Variants in CYYR1 observed in about 807,000 individuals in gnomAD.
CYYR1 encodes cysteine and tyrosine rich 1.
A neutral mutation model predicts 15.2 loss-of-function variants in CYYR1; 14 were observed. The observed-to-expected ratio is 0.92, with a 90% CI of 0.61 to 1.44. CYYR1 has a LOEUF of 1.44. CYYR1 is among the 40% of genes most tolerant of loss of function. The pLI, the probability that CYYR1 is intolerant of heterozygous loss-of-function variation, is 0.00. For synonymous variants in CYYR1, 80 were observed against 77.4 expected (o/e 1.03, Z -0.18); for missense variants, 228 against 209.5 (o/e 1.09, Z -0.54).
chr21:26,535,558 T>C (rs2065984477), intron 2 of CYYR1, among the ~76,000 whole-genome samples: 1 of 152,224 alleles, frequency 6.6e-6, no homozygotes, highest in South Asian at 2.1e-4. Context: ...GTGAAATTTT[T>C]ATTAATACCT....
chr21:26,552,695 T>C (rs1979482786), intron 2 of CYYR1, among the ~76,000 whole-genome samples: 1 of 152,146 alleles, frequency 6.6e-6, no homozygotes. Flanking sequence ...GGATATATAC[T>C]TAACTCTTCA....
intron 2 of CYYR1, among the ~76,000 whole-genome samples, chr21:26,525,745 A>G (rs2065855849): frequency 6.6e-6 from 1 of 152,216 alleles, no homozygotes; most frequent in South Asian, 2.1e-4. Flanking sequence ...CCCTATAGTC[A>G]TTGCCTACAT....
At chr21:26,506,338 G>C (rs911100568) in intron 2 of CYYR1, among the ~76,000 whole-genome samples, 17 of 152,152 alleles carry the variant, frequency 1.1e-4, no homozygotes, top group Non-Finnish European at 2.1e-4. Context: ...TTCTGACATT[G>C]AGGGGGCTTT....
chr21:26,554,221 A>G (rs1048795719), intron 2 of CYYR1, among the ~76,000 whole-genome samples: 1 of 152,182 alleles, frequency 6.6e-6, no homozygotes, highest in Non-Finnish European at 1.5e-5. Context: ...GGCAGTTAGA[A>G]CACCACTGTG....
chr21:26,557,426 T>A (rs912859707), intron 2 of CYYR1, among the ~76,000 whole-genome samples: 5 of 152,114 alleles, frequency 3.3e-5, no homozygotes, highest in African/African-American at 1.2e-4. Flanking sequence ...AACTGAAATA[T>A]CACAAATCCT....
chr21:26,494,381 AAG>A (rs2065365405), intron 2 of CYYR1, among the ~76,000 whole-genome samples: 1 of 152,192 alleles, frequency 6.6e-6, no homozygotes, highest in Non-Finnish European at 1.5e-5. Flanking sequence ...AGGGGGGAGA[AAG>A]AGAATATCTT....
chr21:26,522,895 A>AT (rs1569159415), intron 2 of CYYR1, among the ~76,000 whole-genome samples: 1 of 152,218 alleles, frequency 6.6e-6, no homozygotes, highest in Admixed American at 6.5e-5. Context: ...ACAACAAACA[A>AT]TAGGCATGAA....
Position 26,468,517 on chromosome 21 carries a change from C to T in CYYR1, c.452G>A (p.Gly151Glu), listed in dbSNP as rs748380673. 6.3e-7 allele frequency: 1 copy of T among 1,593,592 alleles called. No homozygotes were observed. The highest frequency in any genetic ancestry group is 8.6e-7 in the Non-Finnish European group (1 of 1,161,468). Reference protein sequence around the residue: ...AQRSPPPPYPGNARK With the variant: ...AQRSPPPPYPENARK Reference sequence around the variant, plus strand: ...GGAGATAGATTATTTCCTTGCGTTTCCAGGATAAGGAGGGGGTGGAGAACG... The same window carrying T: ...GGAGATAGATTATTTCCTTGCGTTTTCAGGATAAGGAGGGGGTGGAGAACG... Residue 151 changes from glycine to glutamate, a missense_variant, in exon 4 of 4, where the codon GGA (glycine) becomes GAA (glutamate). Physicochemically the swap from Gly to Glu is moderately conservative, Grantham distance 98 (BLOSUM62 -2). Coordinates refer to ENST00000652641, the MANE Select transcript of CYYR1 (RefSeq NM_001320768.2).
chr21:26,471,664 T>C (rs1266389195), intron 3 of CYYR1: 1 of 152,236 alleles, frequency 6.6e-6, no homozygotes, highest in African/African-American at 2.4e-5. Flanking sequence ...ATTATCTTTC[T>C]TTCTTGCACA....
rs528644045 is a variant in CYYR1, at chr21:26,544,797, T to C, written c.176+21469A>G. 2.6e-5 allele frequency among the ~76,000 whole-genome samples: 4 copies of C among 152,150 alleles called. No homozygotes were observed. The South Asian group carries it at 8.3e-4, about 32-fold the overall frequency. Reference sequence around the variant, plus strand: ...TATATGGGTTTAAATATTTAAATAATAAGAAAGGCCGAGAAAGGTGGCTCA... The same window carrying C: ...TATATGGGTTTAAATATTTAAATAACAAGAAAGGCCGAGAAAGGTGGCTCA... On this transcript the variant is annotated intron_variant, in intron 2 of 3. Coordinates refer to ENST00000652641, the MANE Select transcript of CYYR1 (RefSeq NM_001320768.2).
chr21:26,499,625 A>T (rs2065453399), intron 2 of CYYR1, among the ~76,000 whole-genome samples: 1 of 152,206 alleles, frequency 6.6e-6, no homozygotes, highest in South Asian at 2.1e-4. Context: ...GTAGTGCAGG[A>T]CCTAACAATA....
intron 2 of CYYR1, among the ~76,000 whole-genome samples, chr21:26,525,378 C>T (rs1169388611): frequency 6.6e-6 from 1 of 152,086 alleles, no homozygotes; most frequent in Non-Finnish European, 1.5e-5. Context: ...GAGCTGACCT[C>T]AGCCCCATAA....
chr21:26,516,832 G>A (rs188086869), intron 2 of CYYR1, among the ~76,000 whole-genome samples: 7 of 152,232 alleles, frequency 4.6e-5, no homozygotes, highest in Non-Finnish European at 7.4e-5. Context: ...GAATTCACTG[G>A]GGGCCGGGCG....
chr21:26,485,474 C>T (rs1008320023), intron 2 of CYYR1, among the ~76,000 whole-genome samples: 1 of 152,056 alleles, frequency 6.6e-6, no homozygotes, highest in Non-Finnish European at 1.5e-5. Context: ...TGGTCATATC[C>T]AACATGCCTT....
chr21:26,513,666 G>A (rs899690853), intron 2 of CYYR1, among the ~76,000 whole-genome samples: 8 of 152,094 alleles, frequency 5.3e-5, no homozygotes, highest in African/African-American at 1.2e-4. Flanking sequence ...AGCACAGCCA[G>A]TAAGAAAAGG....
intron 2 of CYYR1, among the ~76,000 whole-genome samples, chr21:26,539,515 C>A (rs1192940481): frequency 6.6e-6 from 1 of 152,188 alleles, no homozygotes; most frequent in African/African-American, 2.4e-5. Flanking sequence ...AGAAGTCTAA[C>A]TCCTATTTTA....
chr21:26,529,674 C>T (rs1359548482), intron 2 of CYYR1, among the ~76,000 whole-genome samples: 1 of 152,186 alleles, frequency 6.6e-6, no homozygotes, highest in Admixed American at 6.5e-5. Context: ...CGGTTTGCAA[C>T]AGCCAAGAAT....
chr21:26,483,353 A>G (rs906666108), intron 2 of CYYR1: 1 of 523,962 alleles, frequency 1.9e-6, no homozygotes, highest in Non-Finnish European at 2.4e-6. Context: ...GTTCATTTTG[A>G]TCTCATTCAT....
intron 3 of CYYR1, chr21:26,477,684 T>G: frequency 1.1e-6 from 1 of 916,590 alleles, no homozygotes; most frequent in Non-Finnish European, 1.3e-6. Flanking sequence ...CAATTAAACT[T>G]TTTTGATCAA....
Sources: gnomAD v4.1 joint callset for allele counts (sites outside exome capture counted in the v4.1 genomes callset) on GRCh38, gnomAD v4.1.1 for gene constraint, MANE v1.5 for transcripts, NCBI Gene and HGNC (gene_info 2026-07-23, HGNC 2026-07-21) for gene names.